Variants in RTEL1 observed in about 807,000 individuals in gnomAD.
The protein encoded by RTEL1 is regulator of telomere length.
Under a neutral mutation model 162.2 loss-of-function variants are expected in RTEL1, and 86 were observed. The ratio of observed to expected loss-of-function variants is 0.53; its 90% CI spans 0.45 to 0.63. The LOEUF (loss-of-function observed/expected upper bound fraction) is 0.63. RTEL1 is among the 30% of genes least tolerant of loss of function. RTEL1 has a pLI of 0.00. For missense variants in RTEL1, 1,941 were observed against 1,750.2 expected, an observed-to-expected ratio of 1.11 and a Z score of -1.95; for synonymous variants, 958 against 717.9, an observed-to-expected ratio of 1.33 and a Z score of -5.35.
intron 7 of RTEL1, among the ~76,000 whole-genome samples, chr20:63,666,771 C>T (rs982859203): frequency 1.4e-4 from 21 of 151,800 alleles, no homozygotes; most frequent in Non-Finnish European, 2.4e-4. Flanking sequence ...CTCGAGAGTT[C>T]CACCTGCCTT....
chr20:63,660,868 C>G (rs1447961499), intron 2 of RTEL1: 3 of 174,788 alleles, frequency 1.7e-5, no homozygotes, highest in African/African-American at 4.8e-5. Context: ...CTTGAGGTGC[C>G]CTCTTGTACC....
At chr20:63,671,638 C>G (rs996925974) in intron 8 of RTEL1, among the ~76,000 whole-genome samples, 1 of 147,730 alleles carries the variant, frequency 6.8e-6, no homozygotes, top group Admixed American at 6.9e-5. Flanking sequence ...CCCGCCACCA[C>G]GCCTGGCTAA....
chr20:63,679,716 T>G, intron 12 of RTEL1, 133 bp from the exon 13 acceptor site: 1 of 723,396 alleles, frequency 1.4e-6, no homozygotes, highest in Non-Finnish European at 2.5e-6. Context: ...TCGAGCCTGT[T>G]TTCTTCTCGG....
chr20:63,689,266 C>G (rs1167879319), intron 22 of RTEL1, 134 bp downstream of exon 22: 1 of 950,778 alleles, frequency 1.1e-6, no homozygotes, highest in Non-Finnish European at 1.6e-6. Flanking sequence ...ACTGCTGGCC[C>G]TGCTGGGAGC....
intron 14 of RTEL1, chr20:63,681,101 C>T (rs919137834): frequency 1.2e-5 from 12 of 985,290 alleles, no homozygotes; most frequent in Non-Finnish European, 1.4e-5. Context: ...TCCTGAACAG[C>T]TTCTCCAGGG....
chr20:63,688,960 C>T (rs1003881763), intron 21 of RTEL1, 95 bp from the exon 22 acceptor site: 17 of 1,124,380 alleles, frequency 1.5e-5, no homozygotes, highest in Non-Finnish European at 2.2e-5. Flanking sequence ...CTAGGACGAT[C>T]CTTCATCTTG....
chr20:63,676,201 C>T (rs112667604), intron 10 of RTEL1, among the ~76,000 whole-genome samples: 3,463 of 152,286 alleles, frequency 0.023, 123 homozygotes, highest in African/African-American at 0.079. Flanking sequence ...CCTCCTGCCT[C>T]GGCCTCCCAA....
intron 24 of RTEL1, 47 bp from the exon 25 acceptor site, chr20:63,690,040 C>A (rs1424275159): frequency 6.3e-7 from 1 of 1,594,744 alleles, no homozygotes; most frequent in Non-Finnish European, 8.5e-7. Flanking sequence ...GAACTGAACC[C>A]TTGAAGCGGC....
intron 9 of RTEL1, 23 bp from the exon 10 acceptor site, chr20:63,673,917 A>AT: frequency 6.3e-7 from 1 of 1,597,812 alleles, no homozygotes; most frequent in Non-Finnish European, 8.5e-7. Context: ...TTCTGTGGTG[A>AT]TTCGGGTGTG....
intron 14 of RTEL1, among the ~76,000 whole-genome samples, chr20:63,683,115 C>T (rs1303632105): frequency 1.3e-5 from 2 of 152,160 alleles, no homozygotes; most frequent in Non-Finnish European, 2.9e-5. Flanking sequence ...AGGTGTGCAC[C>T]ACCGCACTCA....
Position 63,689,108 on chromosome 20 carries a change from C to T in RTEL1, c.1854C>T (p.Thr618=), listed in dbSNP as rs763476953. 1.2e-6 allele frequency: 2 copies of T among 1,610,254 alleles called. No homozygotes were observed. Among genetic ancestry groups the T allele is most frequent in the African/African-American group, 2.7e-5 (2 of 75,054 alleles). The change falls in exon 22 of 35, where the codon ACC becomes ACT. Residue 618 remains threonine (T), a synonymous_variant. Coordinates refer to ENST00000360203, the MANE Select transcript of RTEL1 (RefSeq NM_001283009.2). The part of the protein sequence containing the change: ...RVAAPGSTGA[T]FLAVCRGKAS... Reference sequence around the variant, plus strand: ...CCGCCCCTGGGTCCACCGGCGCCACCTTCCTGGCGGTCTGCCGGGGCAAGG... The same window carrying T: ...CCGCCCCTGGGTCCACCGGCGCCACTTTCCTGGCGGTCTGCCGGGGCAAGG...
Position 63,687,927 on chromosome 20 carries a change from C to T in RTEL1, c.1482-10C>T. 6.2e-7 allele frequency: 1 copy of T among 1,611,694 alleles called. No homozygotes were observed. The highest frequency in any genetic ancestry group is 1.1e-5 in the South Asian group (1 of 91,050). ...CTTCCCCACTGTCTGCTCCCTCTGG[C>T]CACGCTCAGCCCTTTCCCAGTCTGC... On this transcript the variant is annotated splice_polypyrimidine_tract_variant and intron_variant, in intron 17 of 34. Transcript: ENST00000360203.
chr20:63,685,267 C>T (rs1321100540), intron 14 of RTEL1, among the ~76,000 whole-genome samples: 2 of 152,086 alleles, frequency 1.3e-5, no homozygotes, highest in African/African-American at 4.8e-5. Context: ...GGAGAGGCCC[C>T]TCGGGCTGCC....
chr20:63,676,481 A>C (rs750505549), intron 10 of RTEL1, among the ~76,000 whole-genome samples: 1 of 152,086 alleles, frequency 6.6e-6, no homozygotes. Context: ...CCATGTGAAC[A>C]TTGTTGCTGC....
At chr20:63,693,398 T>C in intron 30 of RTEL1, 115 bp downstream of exon 30, 2 of 1,310,288 alleles carry the variant, frequency 1.5e-6, no homozygotes, top group South Asian at 2.6e-5. Flanking sequence ...CGCCTCTCTG[T>C]TCCCCTATGG....
Position 63,662,908 on chromosome 20 carries a change from G to C in RTEL1, c.538+19G>C. The stretch of plus-strand genomic sequence containing the variant: ...GTAGAAGGTACAAGCAGCTGGGTGG[G>C]ACCAGGGTCGGGTTGGAGTGTGTGC... On this transcript the variant is annotated intron_variant, in intron 6 of 34. Coordinates refer to ENST00000360203, the MANE Select transcript of RTEL1 (RefSeq NM_001283009.2). 6.2e-7 allele frequency: 1 copy of C among 1,612,464 alleles called. No homozygotes were observed. The highest frequency in any genetic ancestry group is 8.5e-7 in the Non-Finnish European group (1 of 1,178,668).
rs369703622 is a variant in RTEL1, at chr20:63,694,570, C to T, written c.3109+82C>T. On this transcript the variant is annotated intron_variant, in intron 31 of 34. Transcript: ENST00000360203. Reference sequence around the variant, plus strand: ...CACGAGGCTAACTCTTGAGTGTGGCCGGGGCTGCCCCTGTGGGGAGCCATC... The same window carrying T: ...CACGAGGCTAACTCTTGAGTGTGGCTGGGGCTGCCCCTGTGGGGAGCCATC... The T allele has an allele frequency of 4.7e-5, 62 of 1,318,048 alleles. No homozygotes were observed. The Admixed American group carries it at 4.7e-4, about 10-fold the overall frequency. 81.6% of individuals were successfully genotyped at this position (1,318,048 alleles called of 1,614,324 possible).
intron 14 of RTEL1, 120 bp downstream of exon 14, chr20:63,680,839 T>G: frequency 6.6e-7 from 1 of 1,521,482 alleles, no homozygotes; most frequent in Non-Finnish European, 8.9e-7. Flanking sequence ...CTACACCACC[T>G]GTTTCTGATT....
In RTEL1 at chr20:63,692,951, C is replaced by G. The variant is rs929062749; in HGVS notation, c.2799C>G (p.Ala933=). ...CCGATGACTTCGCCGCCCTGGCCGCCTGTCTCGGCCCCCTCTTTGCTGAGG... is the reference window on the plus strand; with the variant it reads ...CCGATGACTTCGCCGCCCTGGCCGCGTGTCTCGGCCCCCTCTTTGCTGAGG... ...KGSDDFAALA[A]CLGPLFAEDP... is the part of the protein sequence containing the mutation. The change falls in exon 29 of 35, where the codon GCC becomes GCG. Residue 933 remains alanine (A), a synonymous_variant. Coordinates refer to ENST00000360203, the MANE Select transcript of RTEL1 (RefSeq NM_001283009.2). 1 of 1,612,674 alleles carries G rather than the reference C, an allele frequency of 6.2e-7. No homozygotes were observed. The highest frequency in any genetic ancestry group is 1.1e-5 in the South Asian group (1 of 91,088).
Sources: allele counts gnomAD v4.1 joint callset (sites outside exome capture counted in the v4.1 genomes callset), GRCh38; gene constraint gnomAD v4.1.1; transcripts MANE v1.5; gene names NCBI Gene and HGNC (gene_info 2026-07-23, HGNC 2026-07-21).